The following AQP7B variants were observed in gnomAD, a reference collection of about 807,000 sequenced individuals.
AQP7B encodes putative aquaporin-7B.
the AQP7B span, among the ~76,000 whole-genome samples, chr2:94,598,225 T>A: frequency 3.7e-4 from 56 of 152,220 alleles, 1 homozygote; most frequent in African/African-American, 1.1e-3. Context: ...TTTTTAAAAA[T>A]ATATATATAG....
chr2:94,595,271 C>T, the AQP7B span, among the ~76,000 whole-genome samples: 1 of 152,012 alleles, frequency 6.6e-6, no homozygotes, highest in Non-Finnish European at 1.5e-5. Flanking sequence ...CCCATCTCTA[C>T]TAAAAATACA....
At chr2:94,598,865 G>A in the AQP7B span, among the ~76,000 whole-genome samples, 1 of 152,096 alleles carries the variant, frequency 6.6e-6, no homozygotes, top group African/African-American at 2.4e-5. Context: ...GGAGTGCAGT[G>A]GTGTGATCTC....
chr2:94,604,185 G>C, the AQP7B span: 51 of 1,228,778 alleles, frequency 4.2e-5, no homozygotes, highest in Non-Finnish European at 5.7e-5. Context: ...TCCTGGGGTA[G>C]CCTGGGGATG....
At chr2:94,598,732 G>T in the AQP7B span, among the ~76,000 whole-genome samples, 1 of 152,182 alleles carries the variant, frequency 6.6e-6, no homozygotes. Flanking sequence ...GATGAATTAC[G>T]TGCATGAGTT....
At chr2:94,589,826 TTCTCTTCAG>T in the AQP7B span, among the ~76,000 whole-genome samples, 1 of 151,996 alleles carries the variant, frequency 6.6e-6, no homozygotes, top group East Asian at 1.9e-4. Context: ...AGGGGTCCCC[TTCTCTTCAG>T]TTGCTCAAGC....
chr2:94,590,828 C>A, the AQP7B span, among the ~76,000 whole-genome samples: 2 of 150,290 alleles, frequency 1.3e-5, no homozygotes, highest in Non-Finnish European at 3.0e-5. Context: ...CCTGTAGTCC[C>A]AACTACTTGG....
chr2:94,596,078 A>T, the AQP7B span, among the ~76,000 whole-genome samples: 1 of 152,232 alleles, frequency 6.6e-6, no homozygotes, highest in African/African-American at 2.4e-5. Context: ...ACTGCATGAC[A>T]GAGGGGGGCA....
chr2:94,599,061 C>A, the AQP7B span, among the ~76,000 whole-genome samples: 1 of 152,214 alleles, frequency 6.6e-6, no homozygotes, highest in Non-Finnish European at 1.5e-5. Flanking sequence ...CTCGGTCTCC[C>A]AAAGTGCTGG....
At chr2:94,597,875 G>T in the AQP7B span, among the ~76,000 whole-genome samples, 3 of 152,090 alleles carry the variant, frequency 2.0e-5, no homozygotes, top group Non-Finnish European at 4.4e-5. Context: ...AAAGTGCTGG[G>T]ATTACAGGCA....
At chr2:94,598,487 A>G in the AQP7B span, among the ~76,000 whole-genome samples, 9 of 152,304 alleles carry the variant, frequency 5.9e-5, no homozygotes, top group Admixed American at 3.9e-4. Flanking sequence ...ACACGGGGCA[A>G]GGGTTGTAGA....
chr2:94,590,147 A>G, the AQP7B span, among the ~76,000 whole-genome samples: 2 of 152,214 alleles, frequency 1.3e-5, no homozygotes, highest in Admixed American at 1.3e-4. Flanking sequence ...TTGACTTTGT[A>G]TCCCTGGTGC....
the AQP7B span, among the ~76,000 whole-genome samples, chr2:94,589,021 C>T: frequency 1.6e-3 from 213 of 135,784 alleles, no homozygotes; most frequent in Non-Finnish European, 1.9e-3. Context: ...TCAGTTCTGT[C>T]ACCCAGGCTG....
the AQP7B span, chr2:94,594,880 G>A: frequency 6.7e-7 from 1 of 1,501,446 alleles, no homozygotes; most frequent in Non-Finnish European, 9.2e-7. Flanking sequence ...GATGGTGAGT[G>A]GGTGGGCAGC....
At chr2:94,588,983 C>CTTTTT in the AQP7B span, among the ~76,000 whole-genome samples, 2 of 135,402 alleles carry the variant, frequency 1.5e-5, no homozygotes. Context: ...GTTTTTTTTT[C>CTTTTT]TTTTTTTTTT....
chr2:94,603,457 T>A, the AQP7B span: 1 of 1,612,060 alleles, frequency 6.2e-7, no homozygotes. Context: ...TTTTGCCACC[T>A]ACCTTCCTGA....
the AQP7B span, chr2:94,603,476 C>T: frequency 6.2e-7 from 1 of 1,611,360 alleles, no homozygotes; most frequent in Non-Finnish European, 8.5e-7. Context: ...GATCACATGA[C>T]ATTGTGGCGG....
the AQP7B span, among the ~76,000 whole-genome samples, chr2:94,594,001 C>G: frequency 6.6e-6 from 1 of 152,190 alleles, no homozygotes; most frequent in African/African-American, 2.4e-5. Flanking sequence ...CCAGTTTTCA[C>G]TCATTCAACA....
At chr2:94,602,470 C>T in the AQP7B span, 29 of 1,597,332 alleles carry the variant, frequency 1.8e-5, no homozygotes, top group South Asian at 3.3e-5. Flanking sequence ...CAGGCAGCCC[C>T]CTTAGAGGCC....
the AQP7B span, among the ~76,000 whole-genome samples, chr2:94,600,876 CAAAAAAA>C: frequency 5.9e-5 from 5 of 84,594 alleles, no homozygotes; most frequent in Admixed American, 1.3e-4. Context: ...AAGACTGTCT[CAAAAAAA>C]AAAAAAAAAA....
Sources: allele counts gnomAD v4.1 joint callset (sites outside exome capture counted in the v4.1 genomes callset), GRCh38; gene constraint gnomAD v4.1.1; transcripts MANE v1.5; gene names NCBI Gene and HGNC (gene_info 2026-07-23, HGNC 2026-07-21).